SORCS1: variants seen among roughly 807,000 people sequenced by gnomAD.
The protein encoded by SORCS1 is VPS10 domain-containing receptor SorCS1.
Under a neutral mutation model 146.1 loss-of-function variants are expected in SORCS1, and 60 were observed. The ratio of observed to expected loss-of-function variants is 0.41; its 90% CI spans 0.33 to 0.51. The LOEUF is 0.51. Ranked by LOEUF, SORCS1 falls within the 20% of genes least tolerant of loss-of-function variation. The pLI, the probability that SORCS1 is intolerant of heterozygous loss-of-function variation, is 0.21. For synonymous variants in SORCS1, 637 were observed against 584.0 expected (o/e 1.09, Z -1.31); for missense variants, 1,352 against 1,487.6 (o/e 0.91, Z 1.50).
At chr10:107,180,935 T>A in the SORCS1 span, among the ~76,000 whole-genome samples, 1 of 152,358 alleles carries the variant, frequency 6.6e-6, no homozygotes, top group South Asian at 2.1e-4. Flanking sequence ...GCTACTGTAC[T>A]GAATACTGTA....
At chr10:106,830,235 C>G (rs1292201932) in intron 2 of SORCS1, among the ~76,000 whole-genome samples, 1 of 152,180 alleles carries the variant, frequency 6.6e-6, no homozygotes, top group Admixed American at 6.5e-5. Flanking sequence ...AATCCTGAGT[C>G]AGGAGGACAT....
chr10:106,896,069 T>TACACAA (rs1231606353), intron 2 of SORCS1, among the ~76,000 whole-genome samples: 1 of 152,126 alleles, frequency 6.6e-6, no homozygotes, highest in African/African-American at 2.4e-5. Context: ...ATAAGCCAGT[T>TACACAA]ACACAAACAC....
chr10:106,808,300 A>G (rs58651020), intron 3 of SORCS1, among the ~76,000 whole-genome samples: 38,944 of 152,038 alleles, frequency 0.26, 5,325 homozygotes, highest in Non-Finnish European at 0.31. Flanking sequence ...TTACAGGCGT[A>G]AGCCACCGCA....
chr10:106,911,566 A>G (rs533814517), intron 2 of SORCS1, among the ~76,000 whole-genome samples: 8 of 152,198 alleles, frequency 5.3e-5, no homozygotes, highest in African/African-American at 1.7e-4. Context: ...CGTAGTCCCC[A>G]CAGGCGATGT....
intron 24 of SORCS1, among the ~76,000 whole-genome samples, chr10:106,587,858 G>GT (rs1018669944): frequency 1.3e-5 from 2 of 152,072 alleles, no homozygotes; most frequent in African/African-American, 2.4e-5. Flanking sequence ...GGGGGGTCAT[G>GT]TTTTTTTATT....
At chr10:106,666,681 T>C (rs1851179610) in intron 17 of SORCS1, among the ~76,000 whole-genome samples, 1 of 151,700 alleles carries the variant, frequency 6.6e-6, no homozygotes. Flanking sequence ...CTCAGCCTCC[T>C]GAGTGTCTGA....
intron 6 of SORCS1, among the ~76,000 whole-genome samples, chr10:106,714,549 A>G (rs1296562231): frequency 6.6e-6 from 1 of 152,214 alleles, no homozygotes; most frequent in Non-Finnish European, 1.5e-5. Context: ...GTGTATCTAA[A>G]ATTATTCCAA....
At chr10:106,993,130 G>A (rs1181133011) in intron 1 of SORCS1, among the ~76,000 whole-genome samples, 6 of 151,496 alleles carry the variant, frequency 4.0e-5, no homozygotes, top group Admixed American at 1.3e-4. Context: ...ACGCCCAGCC[G>A]GGCCTGGCTA....
chr10:106,800,242 A>G (rs1946796955), intron 3 of SORCS1, among the ~76,000 whole-genome samples: 2 of 152,174 alleles, frequency 1.3e-5, no homozygotes, highest in African/African-American at 4.8e-5. Flanking sequence ...AATTAAATGT[A>G]CCAGTAGGAC....
At chr10:107,147,868 C>A (rs954341298) in intron 1 of SORCS1, among the ~76,000 whole-genome samples, 2 of 152,010 alleles carry the variant, frequency 1.3e-5, no homozygotes, top group Non-Finnish European at 2.9e-5. Context: ...GGGAGACATA[C>A]AGAGAGTGAC....
intron 17 of SORCS1, among the ~76,000 whole-genome samples, chr10:106,660,138 G>A (rs1336476651): frequency 6.6e-6 from 1 of 152,106 alleles, no homozygotes; most frequent in Non-Finnish European, 1.5e-5. Context: ...CCCCCACAAG[G>A]CAACCAAAAC....
At chr10:106,867,436 C>A in intron 2 of SORCS1, among the ~76,000 whole-genome samples, 1 of 152,130 alleles carries the variant, frequency 6.6e-6, no homozygotes, top group African/African-American at 2.4e-5. Flanking sequence ...AGGCACCCAC[C>A]ACCACGCCCG....
intron 9 of SORCS1, among the ~76,000 whole-genome samples, chr10:106,696,784 A>G (rs1411065758): frequency 2.6e-5 from 4 of 152,250 alleles, no homozygotes; most frequent in Non-Finnish European, 5.9e-5. Flanking sequence ...TTGCAAAGTC[A>G]TTCCTGTCTA....
At chr10:106,869,289 T>G (rs1397624639) in intron 2 of SORCS1, among the ~76,000 whole-genome samples, 1 of 152,192 alleles carries the variant, frequency 6.6e-6, no homozygotes, top group African/African-American at 2.4e-5. Flanking sequence ...CCATTCTTAC[T>G]GAAACATCTC....
At position 106,577,201 on chromosome 10, in the gene SORCS1, T is replaced by C; in HGVS notation, c.*219A>G. 2 of 1,531,854 alleles carry C rather than the reference T, an allele frequency of 1.3e-6. No individual in the cohort carries two copies. Among genetic ancestry groups the C allele is most frequent in the East Asian group, 2.5e-5 (1 of 39,226 alleles). 94.9% of individuals were successfully genotyped at this position (1,531,854 alleles called of 1,614,324 possible). ...GTTTTGTTTTGTTTTTGTTTTTGTT[T>C]TTTTACTGGCGTCCTCCATTCAAAC... On this transcript the variant is annotated 3_prime_UTR_variant, in exon 26 of 26. Coordinates refer to ENST00000263054, the MANE Select transcript of SORCS1 (RefSeq NM_052918.5).
intron 2 of SORCS1, among the ~76,000 whole-genome samples, chr10:106,892,131 G>C (rs1347653306): frequency 6.6e-6 from 1 of 152,142 alleles, no homozygotes; most frequent in South Asian, 2.1e-4. Flanking sequence ...TTTGCTACTA[G>C]GCTGATCTGC....
chr10:107,174,440 C>T, the SORCS1 span, among the ~76,000 whole-genome samples: 3 of 152,094 alleles, frequency 2.0e-5, no homozygotes, highest in African/African-American at 7.2e-5. Context: ...GATCTCCTGA[C>T]CTCGTGATCC....
intron 2 of SORCS1, among the ~76,000 whole-genome samples, chr10:106,927,176 T>C (rs10786993): frequency 0.95 from 143,891 of 152,110 alleles, 68,423 homozygotes; most frequent in Non-Finnish European, 1. Flanking sequence ...AGAATGAAGC[T>C]GTGGACCCTC....
intron 1 of SORCS1, among the ~76,000 whole-genome samples, chr10:107,069,251 A>C (rs1293022749): frequency 6.6e-6 from 1 of 152,228 alleles, no homozygotes; most frequent in East Asian, 1.9e-4. Context: ...AAACTGTGAC[A>C]TCTACGTTTA....
Sources: gnomAD v4.1 joint callset for allele counts (sites outside exome capture counted in the v4.1 genomes callset) on GRCh38, gnomAD v4.1.1 for gene constraint, MANE v1.5 for transcripts, NCBI Gene and HGNC (gene_info 2026-07-23, HGNC 2026-07-21) for gene names.